STARD7: variants seen among roughly 807,000 people sequenced by gnomAD.
STARD7 encodes StAR related lipid transfer domain containing 7.
In STARD7, 30 loss-of-function variants were observed where a neutral mutation model predicts 45.3. That is an observed-to-expected ratio of 0.66 (90% CI 0.50 to 0.90). The LOEUF (loss-of-function observed/expected upper bound fraction) is 0.90. Among genes scored for constraint, STARD7 ranks in the 40% least tolerant of loss-of-function variants. The probability of loss-of-function intolerance (pLI) is 0.00; values close to 1 mark genes in which losing one functional copy is unlikely to be tolerated. For synonymous variants in STARD7, 199 were observed against 183.0 expected, an observed-to-expected ratio of 1.09 and a Z score of -0.70; for missense variants, 495 against 491.3, an observed-to-expected ratio of 1.01 and a Z score of -0.07.
intron 1 of STARD7, among the ~76,000 whole-genome samples, chr2:96,203,737 C>T (rs551967521): frequency 1.3e-5 from 2 of 152,094 alleles, no homozygotes; most frequent in African/African-American, 2.4e-5. Context: ...CCAAGGCAGG[C>T]GGATCACTTG....
At position 96,208,735 on chromosome 2, in the gene STARD7, C is replaced by T. The variant is rs1683454218; in HGVS notation, c.-301G>A. On this transcript the variant is annotated 5_prime_UTR_variant, in exon 1 of 8. Coordinates refer to ENST00000337288, the MANE Select transcript of STARD7 (RefSeq NM_020151.4). Reference sequence around the variant, plus strand: ...GCTCCTCGGCGACCTCCAGCGGGCGCCCGGGGCCGGGATGCAGGGCGCGCG... The same window carrying T: ...GCTCCTCGGCGACCTCCAGCGGGCGTCCGGGGCCGGGATGCAGGGCGCGCG... 1 of 409,156 alleles carries T rather than the reference C, an allele frequency of 2.4e-6. No homozygotes were observed. The allele number at this position is 409,156 out of a possible 1,614,324, so 25.3% of individuals were successfully genotyped here. A position where few individuals can be genotyped will look rare whatever the true frequency, so the allele number is the denominator to read the frequency against.
At chr2:96,196,308 T>A (rs1234852928) in intron 1 of STARD7, among the ~76,000 whole-genome samples, 1 of 151,830 alleles carries the variant, frequency 6.6e-6, no homozygotes, top group African/African-American at 2.4e-5. Flanking sequence ...AAGAAAAAAT[T>A]TAAAAAATTA....
chr2:96,189,866 G>A (rs890128824), intron 6 of STARD7, among the ~76,000 whole-genome samples: 2 of 152,084 alleles, frequency 1.3e-5, no homozygotes, highest in African/African-American at 2.4e-5. Context: ...GGGTTCCTGG[G>A]AATTGAGTTC....
In STARD7 at chr2:96,186,308, G is replaced by A. The variant is rs957712441; in HGVS notation, c.*422C>T. The A allele has an allele frequency of 3.8e-5, 6 of 156,182 alleles. No homozygotes were observed. The highest frequency in any genetic ancestry group is 1.4e-4 in the African/African-American group (6 of 41,608). The allele number at this position is 156,182 out of a possible 1,614,324, so 9.7% of individuals were successfully genotyped here. On this transcript the variant is annotated 3_prime_UTR_variant, in exon 8 of 8. Transcript: ENST00000337288. Reference sequence around the variant, plus strand: ...ACTCCCAGTAGCCCCTCATTTGAGAGACTCAACTGGCCAACTATACTTTCC... The same window carrying A: ...ACTCCCAGTAGCCCCTCATTTGAGAAACTCAACTGGCCAACTATACTTTCC...
At chr2:96,204,248 A>T (rs1459492300) in intron 1 of STARD7, among the ~76,000 whole-genome samples, 1 of 151,516 alleles carries the variant, frequency 6.6e-6, no homozygotes, top group Non-Finnish European at 1.5e-5. Flanking sequence ...CGACAGAGTG[A>T]GATTATGTCT....
intron 1 of STARD7, among the ~76,000 whole-genome samples, chr2:96,206,276 T>C (rs1019636595): frequency 6.6e-6 from 1 of 152,138 alleles, no homozygotes; most frequent in East Asian, 1.9e-4. Flanking sequence ...TCCATAAAAA[T>C]GCATAAAATA....
intron 1 of STARD7, among the ~76,000 whole-genome samples, chr2:96,200,236 G>A (rs983799389): frequency 6.6e-6 from 1 of 152,234 alleles, no homozygotes; most frequent in Admixed American, 6.5e-5. Flanking sequence ...ACCACATGCA[G>A]CTAATTTGTT....
rs1298575426 is a variant in STARD7, at chr2:96,192,472, G to C, written c.744-4C>G. Reference sequence around the variant, plus strand: ...CACACTCGGATGCTCCACAGCACTGGTAAGGAGGAAAGGAGAAGCAAACTC... The same window carrying C: ...CACACTCGGATGCTCCACAGCACTGCTAAGGAGGAAAGGAGAAGCAAACTC... On this transcript the variant is annotated splice_region_variant and splice_polypyrimidine_tract_variant and intron_variant, in intron 5 of 7. Transcript: ENST00000337288. 1 of 1,611,506 alleles carries C rather than the reference G, an allele frequency of 6.2e-7. No homozygotes were observed. Among genetic ancestry groups the C allele is most frequent in the South Asian group, 1.1e-5 (1 of 91,042 alleles).
chr2:96,195,117 G>A, intron 2 of STARD7, 110 bp from the exon 3 acceptor site: 1 of 1,043,656 alleles, frequency 9.6e-7, no homozygotes, highest in Non-Finnish European at 1.4e-6. Context: ...CTTAAAGGCA[G>A]GTTCAGAAAC....
chr2:96,185,608 T>C lies in STARD7; in HGVS notation c.*1122A>G, dbSNP rs763459554. 2 of 152,212 alleles carry C rather than the reference T, an allele frequency of 1.3e-5. No individual in the cohort carries two copies. Among genetic ancestry groups the C allele is most frequent in the Admixed American group, 6.5e-5 (1 of 15,288 alleles). 9.4% of individuals were successfully genotyped at this position (152,212 alleles called of 1,614,324 possible). ...AGAAAAACTTTTTAGAGGAACTTAA[T>C]GGTAACATAAACCAAATCTCCACTG... On this transcript the variant is annotated 3_prime_UTR_variant, in exon 8 of 8. Transcript: ENST00000337288.
At chr2:96,196,754 C>T (rs1393300201) in intron 1 of STARD7, among the ~76,000 whole-genome samples, 1 of 152,046 alleles carries the variant, frequency 6.6e-6, no homozygotes, top group Non-Finnish European at 1.5e-5. Context: ...AACCACCGTG[C>T]CCAGCTACAC....
intron 6 of STARD7, among the ~76,000 whole-genome samples, chr2:96,190,954 A>G (rs1683116975): frequency 6.6e-6 from 1 of 152,164 alleles, no homozygotes. Context: ...GCTTGAGTCC[A>G]GGAGTTTGAG....
At position 96,191,269 on chromosome 2, in the gene STARD7, A is replaced by C. The variant is rs556920018; in HGVS notation, c.843+1100T>G. On this transcript the variant is annotated intron_variant, in intron 6 of 7. Coordinates refer to ENST00000337288, the MANE Select transcript of STARD7 (RefSeq NM_020151.4). The stretch of plus-strand genomic sequence containing the variant: ...GAATTTGCTTCAAAATAATCAGGGG[A>C]GTGAGAAAGGAAATGGGAAAGGGTA... Among the ~76,000 whole-genome samples the C allele has an allele frequency of 3.3e-5, 5 of 152,314 alleles. No homozygotes were observed. The South Asian group carries it at 8.3e-4, about 25-fold the overall frequency.
chr2:96,193,329 T>C lies in STARD7; in HGVS notation c.573A>G (p.Lys191=), dbSNP rs765432549. Residue 191 remains lysine, a synonymous_variant, in exon 4 of 8, where the codon AAA becomes AAG. Transcript: ENST00000337288. ...NVQLDTEYRK[K]WDALVIKLEV... ...CCAGCTTGATTACCAGGGCATCCCA[T>C]TTTTTTCTATACTCTGTGTCCAGCT... 6 of 1,612,102 alleles carry C rather than the reference T, an allele frequency of 3.7e-6. No homozygotes were observed. The South Asian group carries it at 6.6e-5, about 18-fold the overall frequency.
intron 1 of STARD7, among the ~76,000 whole-genome samples, chr2:96,197,118 A>AAATAAAATAAAATAAAATAG (rs1683233088): frequency 6.8e-6 from 1 of 146,628 alleles, no homozygotes; most frequent in Admixed American, 7.2e-5. Flanking sequence ...AAATAAAATA[A>AAATAAAATAAAATAAAATAG]AATAAAGCCA....
intron 2 of STARD7, 90 bp downstream of exon 2, chr2:96,195,251 C>T: frequency 8.3e-7 from 1 of 1,207,746 alleles, no homozygotes; most frequent in Non-Finnish European, 1.2e-6. Context: ...TTCTGAGAAA[C>T]AACCAGAACA....
At chr2:96,199,611 T>C (rs1235455466) in intron 1 of STARD7, among the ~76,000 whole-genome samples, 1 of 152,216 alleles carries the variant, frequency 6.6e-6, no homozygotes, top group Non-Finnish European at 1.5e-5. Context: ...CAAATAGAGA[T>C]AGTTTTATTT....
At chr2:96,189,807 G>A (rs1056496996) in intron 6 of STARD7, among the ~76,000 whole-genome samples, 4 of 151,872 alleles carry the variant, frequency 2.6e-5, no homozygotes. Context: ...TGATCTTACT[G>A]TATTGTTATT....
chr2:96,208,100 G>GC (rs746606954), intron 1 of STARD7, 45 bp downstream of exon 1: 51 of 1,484,116 alleles, frequency 3.4e-5, no homozygotes, highest in East Asian at 5.1e-5. Flanking sequence ...GGGTTCACAA[G>GC]CCCCCCCACC....
Sources: allele counts gnomAD v4.1 joint callset (sites outside exome capture counted in the v4.1 genomes callset), GRCh38; gene constraint gnomAD v4.1.1; transcripts MANE v1.5; gene names NCBI Gene and HGNC (gene_info 2026-07-23, HGNC 2026-07-21).